DLGAP1: variants seen among roughly 807,000 people sequenced by gnomAD.
DLGAP1 encodes DLG associated protein 1.
DLGAP1 carries 11 observed loss-of-function variants against 90.8 expected under a neutral mutation model. The ratio of observed to expected loss-of-function variants is 0.12; its 90% CI spans 0.08 to 0.20. DLGAP1 has a LOEUF of 0.20. DLGAP1 is among the 10% of genes least tolerant of loss of function. The pLI, the probability that DLGAP1 is intolerant of heterozygous loss-of-function variation, is 1.00. For synonymous variants in DLGAP1, 558 were observed against 540.7 expected, an observed-to-expected ratio of 1.03 and a Z score of -0.44; for missense variants, 1,050 against 1,333.8, an observed-to-expected ratio of 0.79 and a Z score of 3.31.
chr18:4,454,070 C>T lies in DLGAP1; in HGVS notation c.-267+936G>A, dbSNP rs2083905248. ...GTCTCCGGCGCCGGCAGCCGAGCCA[C>T]GGGCCACCCCTTCCCACGGCCTCCC... On this transcript the variant is annotated intron_variant, in intron 1 of 12. Transcript: ENST00000315677. This position sits in a 1 kb window ranked among gnomAD's most constrained non-coding sequence, Gnocchi z 4.7. Among the ~76,000 whole-genome samples, 1 of 152,222 alleles carries T rather than the reference C, an allele frequency of 6.6e-6. No individual in the cohort carries two copies. The highest frequency in any genetic ancestry group is 2.4e-5 in the African/African-American group (1 of 41,460).
In DLGAP1 at chr18:3,674,321, T is replaced by TA. The variant is rs1469126035; in HGVS notation, c.1591+54813dup. Among the ~76,000 whole-genome samples, 22 of 95,048 alleles carry TA rather than the reference T, an allele frequency of 2.3e-4. 2 individuals are homozygous for TA. The highest frequency in any genetic ancestry group is 7.5e-4 in the African/African-American group (21 of 28,086). The allele number at this position is 95,048 out of a possible 152,430, so 62.4% of individuals were successfully genotyped here. On this transcript the variant is annotated intron_variant, in intron 7 of 12. Transcript: ENST00000315677. ...AATATATATATATATATGTATATTT[T>TA]AAAAAATGCTGCCATGGCCAAGTGT...
At chr18:4,111,923 T>C (rs1420339081) in intron 2 of DLGAP1, among the ~76,000 whole-genome samples, 3 of 150,936 alleles carry the variant, frequency 2.0e-5, no homozygotes, top group African/African-American at 7.3e-5. Flanking sequence ...TTTGTTTTTG[T>C]TTTTTATTTA....
At chr18:3,808,367 G>A (rs1009077701) in intron 5 of DLGAP1, among the ~76,000 whole-genome samples, 1 of 152,068 alleles carries the variant, frequency 6.6e-6, no homozygotes, top group Admixed American at 6.5e-5. Flanking sequence ...TAGAAGTATA[G>A]AGGATAATAG....
At chr18:3,796,625 C>T (rs186207731) in intron 5 of DLGAP1, among the ~76,000 whole-genome samples, 10 of 152,278 alleles carry the variant, frequency 6.6e-5, no homozygotes, top group Admixed American at 2.6e-4. Flanking sequence ...GCTCGATCCA[C>T]GAATATGCTC....
chr18:4,165,736 T>C (rs917491812), intron 1 of DLGAP1, among the ~76,000 whole-genome samples: 1 of 152,120 alleles, frequency 6.6e-6, no homozygotes, highest in Non-Finnish European at 1.5e-5. Context: ...CTGTGAAAAG[T>C]CACATATGTA....
intron 7 of DLGAP1, chr18:3,594,368 A>G (rs1336923893): frequency 1.8e-5 from 1 of 54,612 alleles, no homozygotes; most frequent in East Asian, 5.4e-4. Context: ...CTCCCTCCCA[A>G]CCAAAAGTCT....
intron 4 of DLGAP1, among the ~76,000 whole-genome samples, chr18:3,875,882 T>C (rs1216629389): frequency 6.6e-6 from 1 of 152,162 alleles, no homozygotes; most frequent in South Asian, 2.1e-4. Flanking sequence ...TTCCAGGTCA[T>C]GTTACTAGTT....
chr18:3,773,274 G>T (rs2064779043), intron 5 of DLGAP1, among the ~76,000 whole-genome samples: 1 of 151,932 alleles, frequency 6.6e-6, no homozygotes, highest in South Asian at 2.1e-4. Flanking sequence ...TGGGCTCTCA[G>T]GATATAAGAA....
chr18:3,941,003 G>A (rs2072756462), intron 3 of DLGAP1, among the ~76,000 whole-genome samples: 1 of 152,138 alleles, frequency 6.6e-6, no homozygotes, highest in South Asian at 2.1e-4. Flanking sequence ...TGAGCAGCTC[G>A]GTGGGAGAAG....
At chr18:4,450,575 C>T (rs1407141350) in intron 1 of DLGAP1, among the ~76,000 whole-genome samples, 2 of 152,184 alleles carry the variant, frequency 1.3e-5, no homozygotes, top group Non-Finnish European at 2.9e-5. Context: ...AGTCACAGCA[C>T]AATGTCTCCT....
chr18:3,679,080 C>T (rs937978584), intron 7 of DLGAP1, among the ~76,000 whole-genome samples: 2 of 152,152 alleles, frequency 1.3e-5, no homozygotes, highest in Non-Finnish European at 2.9e-5. Context: ...AATCTTCCTG[C>T]CTTAGCCTCC....
intron 4 of DLGAP1, among the ~76,000 whole-genome samples, chr18:3,868,611 C>G (rs2070549616): frequency 1.3e-5 from 2 of 152,098 alleles, no homozygotes; most frequent in Non-Finnish European, 2.9e-5. Flanking sequence ...CCTATTTGGT[C>G]AAGTTTTCAT....
At chr18:3,832,444 A>G (rs949685821) in intron 4 of DLGAP1, among the ~76,000 whole-genome samples, 5 of 152,208 alleles carry the variant, frequency 3.3e-5, no homozygotes, top group African/African-American at 4.8e-5. Flanking sequence ...TCTGCAATTC[A>G]AATGACCCAC....
intron 1 of DLGAP1, among the ~76,000 whole-genome samples, chr18:4,289,027 T>G (rs1010633030): frequency 6.6e-6 from 1 of 152,008 alleles, no homozygotes; most frequent in Non-Finnish European, 1.5e-5. Context: ...TCTGGACAAA[T>G]ATGAAAATGA....
intron 2 of DLGAP1, among the ~76,000 whole-genome samples, chr18:4,069,429 T>C (rs1444467618): frequency 6.6e-6 from 1 of 152,200 alleles, no homozygotes; most frequent in Non-Finnish European, 1.5e-5. Context: ...TGTCAAATTG[T>C]AATCCCCGAT....
At chr18:4,154,688 G>A (rs150453778) in intron 1 of DLGAP1, among the ~76,000 whole-genome samples, 319 of 152,244 alleles carry the variant, frequency 2.1e-3, no homozygotes, top group Middle Eastern at 0.014. Context: ...CTCTTACAAA[G>A]TTTCTGACTT....
intron 5 of DLGAP1, among the ~76,000 whole-genome samples, chr18:3,809,575 C>G (rs1317385126): frequency 6.6e-6 from 1 of 152,206 alleles, no homozygotes; most frequent in South Asian, 2.1e-4. Context: ...TCTCTTGCAA[C>G]AGCCTGGAAT....
rs2071088911 is a variant in DLGAP1 at position 3,879,418 on chromosome 18, G to A, written c.651C>T (p.Ala217=). 4 of 1,610,872 alleles carry A rather than the reference G, an allele frequency of 2.5e-6. No individual in the cohort carries two copies. The highest frequency in any genetic ancestry group is 3.4e-6 in the Non-Finnish European group (4 of 1,179,954). Residue 217 remains alanine (A), a synonymous_variant, in exon 4 of 13, where the codon GCC becomes GCT. Coordinates refer to ENST00000315677, the MANE Select transcript of DLGAP1 (RefSeq NM_004746.4). The surrounding 1 kb of genome is among the most constrained non-coding windows in gnomAD (Gnocchi z 6.6). ...TGCCCATGGTCATCACGCCCGAGGG[G>A]GCGTGGTAGATGCACATGTCACCAT... is the stretch of plus-strand genomic sequence containing the variant. ...NLDGDMCIYH[A]PSGVMTMGRC... is the part of the protein sequence containing the mutation.
chr18:4,232,443 C>T (rs588960), intron 1 of DLGAP1, among the ~76,000 whole-genome samples: 1,944 of 152,132 alleles, frequency 0.013, 48 homozygotes, highest in African/African-American at 0.045. Context: ...GAACTTTTTG[C>T]AACTAAACAG....
Sources: allele counts gnomAD v4.1 joint callset (sites outside exome capture counted in the v4.1 genomes callset), GRCh38; gene constraint gnomAD v4.1.1; non-coding constraint Gnocchi (gnomAD v3.1); transcripts MANE v1.5; gene names NCBI Gene and HGNC (gene_info 2026-07-23, HGNC 2026-07-21).